The following PMPCB variants were observed in gnomAD, a reference collection of about 807,000 sequenced individuals.
PMPCB encodes the protein mitochondrial-processing peptidase subunit beta.
In PMPCB, 46 loss-of-function variants were observed where a neutral mutation model predicts 61.5. That is an observed-to-expected ratio of 0.75 (90% CI 0.59 to 0.96). The LOEUF (loss-of-function observed/expected upper bound fraction) is 0.96, where lower values mean the gene tolerates loss of function less well. PMPCB is among the 40% of genes least tolerant of loss of function. The pLI is 0.00. For missense variants in PMPCB, 590 were observed against 602.4 expected (o/e 0.98, Z 0.22); for synonymous variants, 191 against 201.6 (o/e 0.95, Z 0.44).
At chr7:103,331,210 G>T (rs1394299118), downstream of PMPCB, among the ~76,000 whole-genome samples, 1 of 152,062 alleles carries the variant, frequency 6.6e-6, no homozygotes, top group South Asian at 2.1e-4. Flanking sequence ...CGCCTGCCTC[G>T]GCCTCCCAAA....
intron 1 of PMPCB, 56 bp downstream of exon 1, chr7:103,297,614 C>T: frequency 6.2e-7 from 1 of 1,605,828 alleles, no homozygotes; most frequent in Non-Finnish European, 8.5e-7. Context: ...CCCGGCGCAG[C>T]GCACCTGAGA....
chr7:103,328,086 A>T (rs905186848), intron 12 of PMPCB, among the ~76,000 whole-genome samples: 1 of 151,432 alleles, frequency 6.6e-6, no homozygotes, highest in Non-Finnish European at 1.5e-5. Flanking sequence ...ATGCCCAGCT[A>T]TTTTTTTGTA....
the PMPCB span, chr7:103,336,911 A>G: frequency 6.6e-6 from 1 of 152,212 alleles, no homozygotes; most frequent in African/African-American, 2.4e-5. Context: ...ATTGACTAAT[A>G]ATTTTTACCA....
In PMPCB at chr7:103,300,183, C is replaced by T. The variant is rs11538296; in HGVS notation, c.333C>T (p.Thr111=). 1.2e-5 allele frequency: 20 copies of T among 1,609,320 alleles called. No individual in the cohort carries two copies. Among genetic ancestry groups the T allele is most frequent in the South Asian group, 2.2e-5 (2 of 89,940 alleles). Residue 111 remains threonine (T), a synonymous_variant, in exon 4 of 13, where the codon ACC becomes ACT. Transcript: ENST00000249269. ...HFLEHMAFKG[T]KKRSQLDLEL... Reference sequence around the variant, plus strand: ...TTTTCCTCTTTTATTTCAAGGGCACCAAGAAGAGATCCCAGTTAGATCTGG... The same window carrying T: ...TTTTCCTCTTTTATTTCAAGGGCACTAAGAAGAGATCCCAGTTAGATCTGG...
chr7:103,326,729 T>C (rs1326662964), intron 12 of PMPCB: 4 of 1,536,492 alleles, frequency 2.6e-6, no homozygotes, highest in Non-Finnish European at 3.5e-6. Flanking sequence ...ACTTTACCTA[T>C]TTTTTCCTGC....
the PMPCB span, among the ~76,000 whole-genome samples, chr7:103,340,370 C>T: frequency 6.6e-6 from 1 of 152,188 alleles, no homozygotes; most frequent in African/African-American, 2.4e-5. Context: ...TCAGCTAACA[C>T]TTTCTGAGTG....
chr7:103,313,319 T>C lies in PMPCB; in HGVS notation c.*1048T>C, dbSNP rs1344612085. On this transcript the variant is annotated 3_prime_UTR_variant, in exon 13 of 13. Transcript: ENST00000249269. ...CCAGAAAATAAAATCTCAAAGGCTT[T>C]TAAAACACAATAGTAAAGATCTACC... The C allele has an allele frequency of 2.3e-6, 3 of 1,301,662 alleles. No homozygotes were observed. The highest frequency in any genetic ancestry group is 2.9e-6 in the Non-Finnish European group (3 of 1,028,128). 80.6% of individuals were successfully genotyped at this position (1,301,662 alleles called of 1,614,324 possible). A position where few individuals can be genotyped will look rare whatever the true frequency, so the allele number is the denominator to read the frequency against.
Position 103,297,567 on chromosome 7 carries a change from C to T in PMPCB, c.99+9C>T. On this transcript the variant is annotated intron_variant, in intron 1 of 12. Coordinates refer to ENST00000249269, the MANE Select transcript of PMPCB (RefSeq NM_004279.3). ...GAGGCGCTGCGGGACGGGTGAGCTTCCCTCCAGGCCGGTCCTGTCCTCGAG... is the reference window on the plus strand; with the variant it reads ...GAGGCGCTGCGGGACGGGTGAGCTTTCCTCCAGGCCGGTCCTGTCCTCGAG... 3.1e-6 allele frequency: 5 copies of T among 1,611,578 alleles called. No individual in the cohort carries two copies. The highest frequency in any genetic ancestry group is 1.1e-5 in the South Asian group (1 of 90,862).
intron 5 of PMPCB, 37 bp from the exon 6 acceptor site, chr7:103,304,374 T>C: frequency 8.5e-7 from 1 of 1,180,766 alleles, no homozygotes; most frequent in Non-Finnish European, 1.3e-6. Flanking sequence ...TGTTTTTTTT[T>C]TGGTTTCCTT....
chr7:103,308,799 A>G (rs1024322752), intron 7 of PMPCB, among the ~76,000 whole-genome samples, 153 bp from the exon 8 acceptor site: 1 of 152,154 alleles, frequency 6.6e-6, no homozygotes, highest in African/African-American at 2.4e-5. Flanking sequence ...AAACTCAACA[A>G]TGTAATGAGG....
At chr7:103,318,148 T>C (rs12530836), downstream of PMPCB, among the ~76,000 whole-genome samples, 9,464 of 152,058 alleles carry the variant, frequency 0.062, 338 homozygotes, top group South Asian at 0.12. Flanking sequence ...TCCCACTCCA[T>C]TTCCCCATAA....
downstream of PMPCB, among the ~76,000 whole-genome samples, chr7:103,319,369 G>A (rs1341418781): frequency 6.6e-6 from 1 of 152,098 alleles, no homozygotes; most frequent in Non-Finnish European, 1.5e-5. Flanking sequence ...CCCGGGAGGC[G>A]GAGGTTGTAG....
chr7:103,310,651 G>T, intron 9 of PMPCB, 176 bp downstream of exon 9: 3 of 394,832 alleles, frequency 7.6e-6, no homozygotes, highest in Non-Finnish European at 8.9e-6. Flanking sequence ...GTCTCAAGAT[G>T]TGAAGCTGAT....
At chr7:103,316,536 A>ATC (rs1818065540), downstream of PMPCB, 2 of 303,598 alleles carry the variant, frequency 6.6e-6, no homozygotes, top group Non-Finnish European at 1.2e-5. Context: ...ACTACAGAAA[A>ATC]CCTAATCCCT....
chr7:103,303,010 T>C (rs569301348), intron 4 of PMPCB, among the ~76,000 whole-genome samples: 1 of 152,248 alleles, frequency 6.6e-6, no homozygotes, highest in Non-Finnish European at 1.5e-5. Context: ...TGGAGAGGTA[T>C]GCGCTTTTTC....
At chr7:103,316,940 G>A, downstream of PMPCB, 2 of 1,613,946 alleles carry the variant, frequency 1.2e-6, no homozygotes, top group Non-Finnish European at 8.5e-7. Flanking sequence ...ATTTCTCTGT[G>A]TTCTTAGATG....
the PMPCB span, among the ~76,000 whole-genome samples, chr7:103,346,670 G>A: frequency 6.6e-6 from 1 of 152,130 alleles, no homozygotes; most frequent in African/African-American, 2.4e-5. Flanking sequence ...TTGTCTTTAG[G>A]AATTTGACAC....
At chr7:103,309,789 G>A (rs1817687666) in intron 8 of PMPCB, among the ~76,000 whole-genome samples, 1 of 152,090 alleles carries the variant, frequency 6.6e-6, no homozygotes, top group South Asian at 2.1e-4. Context: ...AAACTCAGTT[G>A]AAAAAACTTG....
Position 103,314,387 on chromosome 7 carries a change from T to G in PMPCB, c.*2116T>G. 1.0e-6 allele frequency: 1 copy of G among 985,370 alleles called. No homozygotes were observed. Among genetic ancestry groups the G allele is most frequent in the Non-Finnish European group, 1.2e-6 (1 of 829,918 alleles). The allele number at this position is 985,370 out of a possible 1,614,324, so 61.0% of individuals were successfully genotyped here. On this transcript the variant is annotated 3_prime_UTR_variant, in exon 13 of 13. Transcript: ENST00000249269. ...CTGAAGAGGAAGGAGCCTTCCCATT[T>G]CCATAAAAGAGGCAAAGGAGTCATA...
Sources: allele counts gnomAD v4.1 joint callset (sites outside exome capture counted in the v4.1 genomes callset), GRCh38; gene constraint gnomAD v4.1.1; transcripts MANE v1.5; gene names NCBI Gene and HGNC (gene_info 2026-07-23, HGNC 2026-07-21).